Variants in ANKS1A observed in about 807,000 individuals in gnomAD.
ANKS1A encodes the protein ankyrin repeat and sterile alpha motif domain containing 1A.
Under a neutral mutation model 120.3 loss-of-function variants are expected in ANKS1A, and 55 were observed. That is an observed-to-expected ratio of 0.46 (90% CI 0.37 to 0.57). ANKS1A has a LOEUF of 0.57. Ranked by LOEUF, ANKS1A falls within the 20% of genes least tolerant of loss-of-function variation. ANKS1A has a pLI of 0.00. For synonymous variants in ANKS1A, 590 were observed against 604.7 expected (o/e 0.98, Z 0.36); for missense variants, 1,123 against 1,480.3 (o/e 0.76, Z 3.96).
At chr6:35,030,756 A>G (rs563630939) in intron 11 of ANKS1A, among the ~76,000 whole-genome samples, 1 of 152,278 alleles carries the variant, frequency 6.6e-6, no homozygotes, top group African/African-American at 2.4e-5. Flanking sequence ...GTCCTCCATA[A>G]TAGTTGTTCA....
chr6:35,095,794 A>G (rs1233792333), downstream of ANKS1A, among the ~76,000 whole-genome samples: 1 of 152,208 alleles, frequency 6.6e-6, no homozygotes, highest in African/African-American at 2.4e-5. Flanking sequence ...ATACTTCTGC[A>G]AGGACATCTG....
chr6:35,018,640 C>G (rs544530021), intron 11 of ANKS1A, among the ~76,000 whole-genome samples: 364 of 152,050 alleles, frequency 2.4e-3, no homozygotes, highest in African/African-American at 8.2e-3. Context: ...ATCTCATCAC[C>G]CAGGTAGTAG....
At chr6:34,949,714 T>C (rs1769977542) in intron 1 of ANKS1A, among the ~76,000 whole-genome samples, 1 of 152,190 alleles carries the variant, frequency 6.6e-6, no homozygotes, top group Admixed American at 6.6e-5. Flanking sequence ...TAGGTACAAT[T>C]CGTACAATGT....
At chr6:35,052,323 C>T (rs932563781) in intron 11 of ANKS1A, among the ~76,000 whole-genome samples, 6 of 151,552 alleles carry the variant, frequency 4.0e-5, no homozygotes, top group African/African-American at 7.3e-5. Flanking sequence ...TGGTGTTGCA[C>T]GCCTGTAGTC....
intron 1 of ANKS1A, among the ~76,000 whole-genome samples, chr6:34,890,060 A>T (rs1376854155): frequency 1.3e-5 from 2 of 151,664 alleles, no homozygotes; most frequent in Non-Finnish European, 2.9e-5. Context: ...AGGAACTTGG[A>T]ACCTTCCACC....
At chr6:34,951,047 T>A (rs1333173417) in intron 1 of ANKS1A, among the ~76,000 whole-genome samples, 1 of 152,202 alleles carries the variant, frequency 6.6e-6, no homozygotes, top group African/African-American at 2.4e-5. Context: ...TATGTTTGTA[T>A]AAGCTTAGAA....
At chr6:34,905,080 G>A (rs1767579082) in intron 1 of ANKS1A, among the ~76,000 whole-genome samples, 1 of 152,190 alleles carries the variant, frequency 6.6e-6, no homozygotes, top group African/African-American at 2.4e-5. Context: ...CAAAGTTCTG[G>A]GATTATAGGC....
chr6:34,983,035 A>T, intron 5 of ANKS1A, 78 bp from the exon 6 acceptor site: 1 of 1,430,234 alleles, frequency 7.0e-7, no homozygotes, highest in Non-Finnish European at 9.8e-7. Flanking sequence ...GACAGCCTTA[A>T]ATGTCCTAAA....
At chr6:34,903,809 C>G (rs1767497132) in intron 1 of ANKS1A, among the ~76,000 whole-genome samples, 1 of 151,864 alleles carries the variant, frequency 6.6e-6, no homozygotes, top group Non-Finnish European at 1.5e-5. Context: ...GCCACTGTGC[C>G]CAGCCCATCT....
chr6:35,088,888 A>G lies in ANKS1A; in HGVS notation c.*279A>G. 1 of 1,407,106 alleles carries G rather than the reference A, an allele frequency of 7.1e-7. No homozygotes were observed. Among genetic ancestry groups the G allele is most frequent in the Admixed American group, 2.9e-5 (1 of 34,278 alleles). The allele number at this position is 1,407,106 out of a possible 1,614,324, so 87.2% of individuals were successfully genotyped here. On this transcript the variant is annotated 3_prime_UTR_variant, in exon 24 of 24. Coordinates refer to ENST00000360359, the MANE Select transcript of ANKS1A (RefSeq NM_015245.3). ...GTTCAGAACACATTGTTTTTAACAG[A>G]AAAAAAATCTTTTTATAAAATGAAC...
Position 35,079,847 on chromosome 6 carries a change from T to C in ANKS1A, c.2463T>C (p.His821=), listed in dbSNP as rs756056937. 5.1e-6 allele frequency: 8 copies of C among 1,573,476 alleles called. No homozygotes were observed. The highest frequency in any genetic ancestry group is 8.6e-7 in the Non-Finnish European group (1 of 1,159,462). Residue 821 remains histidine, a synonymous_variant, in exon 16 of 24, where the codon CAT becomes CAC. Transcript: ENST00000360359. ...VNVLKVQLLG[H]RKRIIASLAD... The stretch of plus-strand genomic sequence containing the variant: ...TCCTGAAGGTCCAGCTGCTCGGCCA[T>C]CGCAAGCGCATCATCGCCTCCCTCG...
intron 3 of ANKS1A, among the ~76,000 whole-genome samples, chr6:34,976,793 T>C (rs1052511652): frequency 4.6e-5 from 7 of 151,742 alleles, no homozygotes; most frequent in Non-Finnish European, 8.8e-5. Flanking sequence ...TGTGTGTGTG[T>C]GTGTGTATGC....
At chr6:34,991,729 T>C (rs1772567472) in intron 9 of ANKS1A, among the ~76,000 whole-genome samples, 2 of 79,540 alleles carry the variant, frequency 2.5e-5, no homozygotes, top group Non-Finnish European at 5.1e-5. Flanking sequence ...TATACATATA[T>C]ACACATATAT....
intron 13 of ANKS1A, among the ~76,000 whole-genome samples, chr6:35,076,192 G>C (rs1777345818): frequency 6.6e-6 from 1 of 152,206 alleles, no homozygotes. Context: ...GGGAGGCCGA[G>C]ATGGGCGGAT....
At chr6:35,095,556 C>CAAAA (rs34931330), downstream of ANKS1A, among the ~76,000 whole-genome samples, 1 of 55,282 alleles carries the variant, frequency 1.8e-5, no homozygotes, top group African/African-American at 6.8e-5. Flanking sequence ...GACTGTGTCA[C>CAAAA]AAAAAAAAAA....
Position 34,889,650 on chromosome 6 carries a change from C to T in ANKS1A, c.197+51C>T. 1.0e-5 allele frequency: 13 copies of T among 1,258,506 alleles called. No individual in the cohort carries two copies. The highest frequency in any genetic ancestry group is 1.3e-5 in the Non-Finnish European group (13 of 1,002,976). The allele number at this position is 1,258,506 out of a possible 1,614,324, so 78.0% of individuals were successfully genotyped here. ...CTGCCTGCAGACCCTTTCTCCCCCA[C>T]CCGTCTCTTGGGTCCCCAGAGAGAT... On this transcript the variant is annotated intron_variant, in intron 1 of 23. Transcript: ENST00000360359. This position sits in a 1 kb window ranked among gnomAD's most constrained non-coding sequence, Gnocchi z 5.5.
chr6:34,985,036 T>G (rs751770495), intron 7 of ANKS1A, 46 bp from the exon 8 acceptor site: 6 of 1,570,294 alleles, frequency 3.8e-6, no homozygotes, highest in Non-Finnish European at 5.2e-6. Context: ...GAACCTGAGA[T>G]TCTGCTCCCC....
At chr6:34,970,919 G>A (rs1771154030) in intron 3 of ANKS1A, among the ~76,000 whole-genome samples, 1 of 152,174 alleles carries the variant, frequency 6.6e-6, no homozygotes, top group Non-Finnish European at 1.5e-5. Context: ...TGAGACGGGG[G>A]ATCACTTAAG....
Position 35,088,951 on chromosome 6 carries a change from A to C in ANKS1A, c.*342A>C, listed in dbSNP as rs1191560749. Reference sequence around the variant, plus strand: ...GCTCAAACCTCTAGGTCATACTGCCAATCTTTAGACAAATGGCCATGGGGC... The same window carrying C: ...GCTCAAACCTCTAGGTCATACTGCCCATCTTTAGACAAATGGCCATGGGGC... On this transcript the variant is annotated 3_prime_UTR_variant, in exon 24 of 24. Coordinates refer to ENST00000360359, the MANE Select transcript of ANKS1A (RefSeq NM_015245.3). 1 of 1,264,998 alleles carries C rather than the reference A, an allele frequency of 7.9e-7. No individual in the cohort carries two copies. Among genetic ancestry groups the C allele is most frequent in the Non-Finnish European group, 1.0e-6 (1 of 994,492 alleles). 78.4% of individuals were successfully genotyped at this position (1,264,998 alleles called of 1,614,324 possible). A position where few individuals can be genotyped will look rare whatever the true frequency, so the allele number is the denominator to read the frequency against.
Sources: gnomAD v4.1 joint callset for allele counts (sites outside exome capture counted in the v4.1 genomes callset) on GRCh38, gnomAD v4.1.1 for gene constraint, Gnocchi (gnomAD v3.1) non-coding constraint, MANE v1.5 for transcripts, NCBI Gene and HGNC (gene_info 2026-07-23, HGNC 2026-07-21) for gene names.